Variants in ZNF329 observed in about 807,000 individuals in gnomAD.
The protein encoded by ZNF329 is zinc finger protein 329.
Under a neutral mutation model 26.6 loss-of-function variants are expected in ZNF329, and 15 were observed. The ratio of observed to expected loss-of-function variants is 0.56; its 90% CI spans 0.38 to 0.87. The LOEUF is 0.87. Among genes scored for constraint, ZNF329 ranks in the 40% least tolerant of loss-of-function variants. ZNF329 has a pLI of 0.00. For missense variants in ZNF329, 651 were observed against 651.9 expected (o/e 1.00, Z 0.02); for synonymous variants, 239 against 233.5 (o/e 1.02, Z -0.21).
At position 58,127,199 on chromosome 19, in the gene ZNF329, T is replaced by C. The variant is rs1240492181; in HGVS notation, c.*679A>G. ...CCCCTGCCAAAGCCTCTCTTTCTGA[T>C]TACACTTAAAAAAGGTTGATTCAGG... On this transcript the variant is annotated 3_prime_UTR_variant, in exon 4 of 4. Coordinates refer to ENST00000598312, the MANE Select transcript of ZNF329 (RefSeq NM_024620.4). 1 of 152,238 alleles carries C rather than the reference T, an allele frequency of 6.6e-6. No individual in the cohort carries two copies. Among genetic ancestry groups the C allele is most frequent in the East Asian group, 1.9e-4 (1 of 5,182 alleles). The allele number at this position is 152,238 out of a possible 1,614,324, so 9.4% of individuals were successfully genotyped here.
intron 3 of ZNF329, among the ~76,000 whole-genome samples, chr19:58,130,285 T>C (rs897558697): frequency 1.3e-5 from 2 of 151,766 alleles, no homozygotes; most frequent in African/African-American, 4.8e-5. Context: ...ATCACACCAC[T>C]GCACTCCAGC....
At position 58,128,565 on chromosome 19, in the gene ZNF329, T is replaced by G. The variant is rs757834665; in HGVS notation, c.939A>C (p.Lys313Asn). The G allele has an allele frequency of 3.2e-5, 52 of 1,613,852 alleles. No individual in the cohort carries two copies. The highest frequency in any genetic ancestry group is 4.1e-5 in the Non-Finnish European group (48 of 1,179,916). Residue 313 changes from lysine to asparagine, a missense_variant, in exon 4 of 4, where the codon AAA (lysine) becomes AAC (asparagine). Coordinates refer to ENST00000598312, the MANE Select transcript of ZNF329 (RefSeq NM_024620.4). ...ILHQRTHTGE[K>N]PYRCNECGKP... ...TCCCACATTCGTTACATCTATATGG[T>G]TTTTCCCCTGTATGAGTTCTTTGGT...
At chr19:58,145,349 C>A (rs1310541327) in intron 1 of ZNF329, among the ~76,000 whole-genome samples, 1 of 123,712 alleles carries the variant, frequency 8.1e-6, no homozygotes, top group East Asian at 2.5e-4. Context: ...GGAGACAGTG[C>A]CTCACTCTGT....
intron 3 of ZNF329, among the ~76,000 whole-genome samples, chr19:58,133,401 C>T (rs1250041722): frequency 2.0e-5 from 3 of 152,038 alleles, no homozygotes; most frequent in African/African-American, 4.8e-5. Flanking sequence ...GTCTGGGCAA[C>T]ATGGTGAAAC....
intron 1 of ZNF329, among the ~76,000 whole-genome samples, chr19:58,144,368 C>CTATA (rs2075254130): frequency 1.2e-5 from 1 of 80,898 alleles, no homozygotes; most frequent in East Asian, 2.8e-4. Context: ...ATCTATCTAT[C>CTATA]TATCTATCTA....
intron 3 of ZNF329, among the ~76,000 whole-genome samples, chr19:58,137,915 G>T (rs1002224688): frequency 6.6e-6 from 1 of 151,882 alleles, no homozygotes; most frequent in Non-Finnish European, 1.5e-5. Context: ...GGGGTCAGAG[G>T]TTGCAGTGAA....
At chr19:58,154,343 C>T (rs923507997), upstream of ZNF329, among the ~76,000 whole-genome samples, 2 of 152,184 alleles carry the variant, frequency 1.3e-5, no homozygotes, top group Admixed American at 6.5e-5. Flanking sequence ...TTGCTGCTGG[C>T]TCAACATCCC....
At chr19:58,150,384 C>A (rs1309607685) in intron 1 of ZNF329, among the ~76,000 whole-genome samples, 2 of 152,214 alleles carry the variant, frequency 1.3e-5, no homozygotes, top group South Asian at 2.1e-4. Flanking sequence ...GGGTTACCCC[C>A]GGAGACGGAC....
At position 58,129,009 on chromosome 19, in the gene ZNF329, C is replaced by T. The variant is rs377705320; in HGVS notation, c.495G>A (p.Gln165=). Residue 165 remains glutamine (Q), a synonymous_variant, in exon 4 of 4, where the codon CAG becomes CAA. Coordinates refer to ENST00000598312, the MANE Select transcript of ZNF329 (RefSeq NM_024620.4). ...SFNHFTSLGH[Q]KIMKRGKKSY... is the part of the protein sequence containing the mutation. ...ATTTCTTGCCTCTTTTCATTATTTT[C>T]TGATGACCAAGAGAGGTAAAATGAT... is the stretch of plus-strand genomic sequence containing the variant. 7 of 1,612,814 alleles carry T rather than the reference C, an allele frequency of 4.3e-6. No individual in the cohort carries two copies. Among genetic ancestry groups the T allele is most frequent in the African/African-American group, 1.3e-5 (1 of 74,804 alleles).
At chr19:58,137,737 G>A (rs960751222) in intron 3 of ZNF329, among the ~76,000 whole-genome samples, 9 of 150,746 alleles carry the variant, frequency 6.0e-5, no homozygotes, top group Non-Finnish European at 1.0e-4. Flanking sequence ...GCTAAGGCAG[G>A]TGGACTGCTT....
rs560221990 is a variant in ZNF329 at position 58,144,624 on chromosome 19, G to A, written c.-207-1426C>T. Among the ~76,000 whole-genome samples the A allele has an allele frequency of 2.0e-5, 3 of 151,526 alleles. No homozygotes were observed. In the East Asian group the frequency reaches 5.8e-4, roughly 29 times the overall value. On this transcript the variant is annotated intron_variant, in intron 1 of 3. Transcript: ENST00000598312. ...GGCTGATCTTGAACTCCTGACCTCA[G>A]GTGATCTGCCTGCCTCGACCTCCCA...
At chr19:58,130,827 C>A (rs894659511) in intron 3 of ZNF329, among the ~76,000 whole-genome samples, 2 of 152,126 alleles carry the variant, frequency 1.3e-5, no homozygotes, top group African/African-American at 2.4e-5. Flanking sequence ...ATTAAGACAA[C>A]TGGTTGTCCA....
chr19:58,147,510 C>T (rs1239862086), intron 1 of ZNF329, among the ~76,000 whole-genome samples: 1 of 143,782 alleles, frequency 7.0e-6, no homozygotes, highest in East Asian at 2.1e-4. Flanking sequence ...TGAGGAGCCC[C>T]TCTGCCCGGC....
intron 3 of ZNF329, among the ~76,000 whole-genome samples, chr19:58,141,715 A>T (rs2075193111): frequency 6.6e-6 from 1 of 151,448 alleles, no homozygotes; most frequent in African/African-American, 2.4e-5. Context: ...AACACGGTGA[A>T]ACCCCATCTC....
At chr19:58,150,487 C>T (rs1237415013) in intron 1 of ZNF329, among the ~76,000 whole-genome samples, 1 of 152,228 alleles carries the variant, frequency 6.6e-6, no homozygotes, top group African/African-American at 2.4e-5. Context: ...AAGGAAAGAG[C>T]GGGGGCGTCC....
At chr19:58,129,772 A>G (rs2074895628) in intron 3 of ZNF329, among the ~76,000 whole-genome samples, 1 of 152,160 alleles carries the variant, frequency 6.6e-6, no homozygotes, top group Admixed American at 6.5e-5. Flanking sequence ...CACCAAAAGG[A>G]TTAGTTTGAG....
chr19:58,135,991 A>G (rs523073), intron 3 of ZNF329, among the ~76,000 whole-genome samples: 5 of 151,884 alleles, frequency 3.3e-5, no homozygotes, highest in Non-Finnish European at 5.9e-5. Context: ...CCAGCACTTT[A>G]GGGGGCAGAG....
intron 1 of ZNF329, among the ~76,000 whole-genome samples, chr19:58,148,412 A>G (rs945118829): frequency 1.5e-4 from 22 of 144,266 alleles, no homozygotes; most frequent in Non-Finnish European, 2.6e-4. Context: ...AAAAAAAAAG[A>G]GAGGAAGGTA....
chr19:58,153,646 T>C (rs2075495378), upstream of ZNF329, among the ~76,000 whole-genome samples: 1 of 152,214 alleles, frequency 6.6e-6, no homozygotes, highest in Non-Finnish European at 1.5e-5. Flanking sequence ...ATTATCTGTT[T>C]GTTCTTGGGG....
Sources: gnomAD v4.1 joint callset for allele counts (sites outside exome capture counted in the v4.1 genomes callset) on GRCh38, gnomAD v4.1.1 for gene constraint, MANE v1.5 for transcripts, NCBI Gene and HGNC (gene_info 2026-07-23, HGNC 2026-07-21) for gene names.